MRPS28: variants seen among roughly 807,000 people sequenced by gnomAD.
MRPS28 encodes the protein mitochondrial ribosomal protein S28.
In MRPS28, 7 loss-of-function variants were observed where a neutral mutation model predicts 10.8. That is an observed-to-expected ratio of 0.65 (90% CI 0.37 to 1.22). MRPS28 has a LOEUF of 1.22. MRPS28 is among the 50% of genes most tolerant of loss of function. The pLI, the probability that MRPS28 is intolerant of heterozygous loss-of-function variation, is 0.02. For missense variants in MRPS28, 265 were observed against 232.9 expected (o/e 1.14, Z -0.90); for synonymous variants, 121 against 93.3 (o/e 1.30, Z -1.71).
intron 2 of MRPS28, among the ~76,000 whole-genome samples, chr8:79,921,334 T>C (rs1810088444): frequency 1.4e-5 from 2 of 147,826 alleles, no homozygotes; most frequent in Admixed American, 6.7e-5. Context: ...AAGAAAGTCA[T>C]TGGTAGCTTG....
At chr8:79,951,081 C>T (rs1024352820) in intron 2 of MRPS28, among the ~76,000 whole-genome samples, 11 of 152,206 alleles carry the variant, frequency 7.2e-5, no homozygotes, top group African/African-American at 2.4e-4. Context: ...CCAGTGCAGT[C>T]ACTCAGGGCC....
intron 2 of MRPS28, among the ~76,000 whole-genome samples, chr8:79,999,195 AG>A (rs1279544783): frequency 2.6e-5 from 4 of 152,250 alleles, no homozygotes; most frequent in Non-Finnish European, 5.9e-5. Flanking sequence ...GCTCAGTCAG[AG>A]GCCTGACAGT....
intron 2 of MRPS28, among the ~76,000 whole-genome samples, chr8:79,986,164 A>T (rs1268453341): frequency 6.6e-6 from 1 of 152,240 alleles, no homozygotes; most frequent in East Asian, 1.9e-4. Flanking sequence ...AAACAGAACC[A>T]AAGACAAAAA....
At chr8:79,956,373 T>G (rs1807211210) in intron 2 of MRPS28, 2 of 152,198 alleles carry the variant, frequency 1.3e-5, no homozygotes, top group African/African-American at 2.4e-5. Flanking sequence ...TTATTATAAT[T>G]ATAAAACAAG....
intron 2 of MRPS28, among the ~76,000 whole-genome samples, chr8:79,926,996 G>A (rs1013248943): frequency 6.6e-6 from 1 of 152,164 alleles, no homozygotes; most frequent in Non-Finnish European, 1.5e-5. Context: ...TTCTCCAAAT[G>A]GTTTGTGGTA....
chr8:80,015,480 T>A (rs1809170086), intron 1 of MRPS28, among the ~76,000 whole-genome samples: 1 of 152,062 alleles, frequency 6.6e-6, no homozygotes, highest in Admixed American at 6.6e-5. Context: ...GAGAAGCAAA[T>A]GTGCAGTTCA....
chr8:79,937,343 T>C (rs1482853387), intron 2 of MRPS28, among the ~76,000 whole-genome samples: 1 of 152,168 alleles, frequency 6.6e-6, no homozygotes, highest in Non-Finnish European at 1.5e-5. Context: ...ACCAAAAAAC[T>C]GTAATAAGAA....
chr8:79,920,989 G>C lies in MRPS28; in HGVS notation c.396-1841C>G, dbSNP rs552854701. Among the ~76,000 whole-genome samples, 30 of 152,320 alleles carry C rather than the reference G, an allele frequency of 2.0e-4. No homozygotes were observed. The South Asian group carries it at 5.4e-3, about 27-fold the overall frequency. Reference sequence around the variant, plus strand: ...TATAAGGTGTTAAGAAAGGGATCCAGTTTCAGCTTTCTACATATGGCTAGC... The same window carrying C: ...TATAAGGTGTTAAGAAAGGGATCCACTTTCAGCTTTCTACATATGGCTAGC... On this transcript the variant is annotated intron_variant, in intron 2 of 2. Coordinates refer to ENST00000276585, the MANE Select transcript of MRPS28 (RefSeq NM_014018.3).
At chr8:80,028,649 C>CGGGGGGGCG (rs1809555554) in intron 1 of MRPS28, 1 of 4,552 alleles carries the variant, frequency 2.2e-4, no homozygotes, top group African/African-American at 1.4e-3. Context: ...AGAAGACGGG[C>CGGGGGGGCG]GGGGGGGGCG....
intron 2 of MRPS28, among the ~76,000 whole-genome samples, chr8:79,937,964 T>C (rs1019438237): frequency 2.6e-5 from 4 of 152,226 alleles, no homozygotes; most frequent in Non-Finnish European, 4.4e-5. Context: ...AGAGTTCATG[T>C]TGTATTTTTA....
At position 79,988,070 on chromosome 8, in the gene MRPS28, C is replaced by A. The variant is rs536714107; in HGVS notation, c.395+14929G>T. 1.1e-4 allele frequency among the ~76,000 whole-genome samples: 16 copies of A among 152,052 alleles called. No individual in the cohort carries two copies. In the East Asian group the frequency reaches 3.1e-3, roughly 29 times the overall value. On this transcript the variant is annotated intron_variant, in intron 2 of 2. Coordinates refer to ENST00000276585, the MANE Select transcript of MRPS28 (RefSeq NM_014018.3). The stretch of plus-strand genomic sequence containing the variant: ...GAATTAAGAAAATGTGGCACATATA[C>A]ACCATGGAATACTATGCAGCCATAA...
intron 2 of MRPS28, among the ~76,000 whole-genome samples, chr8:79,995,668 T>C (rs774763115): frequency 4.6e-5 from 7 of 152,218 alleles, no homozygotes; most frequent in Admixed American, 1.3e-4. Context: ...AAGTTAGTTA[T>C]CTGGTGACAT....
intron 1 of MRPS28, among the ~76,000 whole-genome samples, chr8:80,005,029 C>A (rs146968711): frequency 2.6e-5 from 4 of 152,236 alleles, no homozygotes; most frequent in South Asian, 2.1e-4. Context: ...CCAAAAGTGA[C>A]GGGGAGAATG....
chr8:79,992,552 G>A (rs1452843054), intron 2 of MRPS28, among the ~76,000 whole-genome samples: 1 of 152,110 alleles, frequency 6.6e-6, no homozygotes, highest in Non-Finnish European at 1.5e-5. Context: ...ACATTCCTCT[G>A]TGTTACTGTG....
chr8:80,029,822 G>A, intron 1 of MRPS28: 2 of 1,531,012 alleles, frequency 1.3e-6, no homozygotes, highest in South Asian at 1.2e-5. Context: ...GGCCCAGTAC[G>A]CAAATGCCAC....
intron 2 of MRPS28, among the ~76,000 whole-genome samples, chr8:79,993,956 T>G (rs1278366572): frequency 6.6e-6 from 1 of 152,186 alleles, no homozygotes; most frequent in Non-Finnish European, 1.5e-5. Flanking sequence ...ACAAATAAGA[T>G]TCAGTGCACG....
intron 2 of MRPS28, among the ~76,000 whole-genome samples, chr8:79,930,030 G>A (rs1351257402): frequency 6.6e-6 from 1 of 152,072 alleles, no homozygotes; most frequent in Non-Finnish European, 1.5e-5. Context: ...ATTTAACTCT[G>A]GTAGACCATG....
At chr8:80,000,286 T>G (rs1808626182) in intron 2 of MRPS28, among the ~76,000 whole-genome samples, 1 of 152,214 alleles carries the variant, frequency 6.6e-6, no homozygotes. Flanking sequence ...AATGGGTATT[T>G]CTGGTAAGAG....
intron 2 of MRPS28, among the ~76,000 whole-genome samples, chr8:79,954,596 A>T (rs1385053930): frequency 1.3e-5 from 2 of 152,172 alleles, no homozygotes; most frequent in Non-Finnish European, 2.9e-5. Flanking sequence ...TAGTTTTCTC[A>T]GCCTGCTCCT....
Sources: gnomAD v4.1 joint callset for allele counts (sites outside exome capture counted in the v4.1 genomes callset) on GRCh38, gnomAD v4.1.1 for gene constraint, MANE v1.5 for transcripts, NCBI Gene and HGNC (gene_info 2026-07-23, HGNC 2026-07-21) for gene names.